Variants in FCHO1 observed in about 807,000 individuals in gnomAD.
FCHO1 encodes the protein FCH and mu domain containing endocytic adaptor 1.
A neutral mutation model predicts 114.4 loss-of-function variants in FCHO1; 45 were observed. The ratio of observed to expected loss-of-function variants is 0.39; its 90% CI spans 0.31 to 0.50. FCHO1 has a LOEUF of 0.50. Ranked by LOEUF, FCHO1 falls within the 20% of genes least tolerant of loss-of-function variation. The pLI is 0.77. For missense variants in FCHO1, 1,042 were observed against 1,209.6 expected (o/e 0.86, Z 2.06); for synonymous variants, 480 against 488.9 (o/e 0.98, Z 0.24).
rs1568367358 is a variant in FCHO1, at chr19:17,781,279, C to A, written c.1676C>A (p.Ala559Asp). Residue 559 changes from alanine to aspartate, a missense_variant, in exon 21 of 29, where the codon GCC (alanine) becomes GAC (aspartate). This residue lies in a region of FCHO1 where 455 missense variants were observed against 455.4 expected (regional missense o/e 1.00). Transcript: ENST00000596536. ...CCCACAGCCAGGGAGGGCCTGGCAGCCCCACCCAGGAGACTTCGCTCTAGG... is the reference window on the plus strand; with the variant it reads ...CCCACAGCCAGGGAGGGCCTGGCAGACCCACCCAGGAGACTTCGCTCTAGG... ...ADPTAREGLA[A>D]PPRRLRSRKV... 6.2e-7 allele frequency: 1 copy of A among 1,613,988 alleles called. No individual in the cohort carries two copies. Among genetic ancestry groups the A allele is most frequent in the East Asian group, 2.2e-5 (1 of 44,878 alleles).
At chr19:17,767,471 G>A (rs2146803736) in intron 7 of FCHO1, among the ~76,000 whole-genome samples, 1 of 150,544 alleles carries the variant, frequency 6.6e-6, no homozygotes, top group African/African-American at 2.4e-5. Context: ...GGAGGCTGAG[G>A]TGGGAGGATC....
In FCHO1 at chr19:17,775,408, G is replaced by T; in HGVS notation, c.946-48G>T. ...GGCGGTTGGCAGGGTGAGATGGAAG[G>T]TTCGATAGTGGGGCGCCTGACTCAC... On this transcript the variant is annotated intron_variant, in intron 14 of 28. Transcript: ENST00000596536. This position sits in a 1 kb window ranked among gnomAD's most constrained non-coding sequence, Gnocchi z 5.1. The T allele has an allele frequency of 6.3e-7, 1 of 1,586,264 alleles. No individual in the cohort carries two copies. Among genetic ancestry groups the T allele is most frequent in the East Asian group, 2.2e-5 (1 of 44,750 alleles).
chr19:17,787,176 A>G (rs1011527566), intron 27 of FCHO1, among the ~76,000 whole-genome samples: 31 of 138,382 alleles, frequency 2.2e-4, no homozygotes, highest in African/African-American at 8.0e-4. Context: ...GTGAGCCGAG[A>G]TCGTGCCACT....
intron 4 of FCHO1, chr19:17,755,693 C>T (rs1243015759): frequency 1.3e-5 from 2 of 153,198 alleles, no homozygotes; most frequent in Admixed American, 1.3e-4. Flanking sequence ...CATTTCCTCT[C>T]TCCCTGCCAC....
chr19:17,772,400 G>A, intron 9 of FCHO1, 57 bp from the exon 10 acceptor site: 5 of 1,316,602 alleles, frequency 3.8e-6, no homozygotes, highest in Non-Finnish European at 5.5e-6. Flanking sequence ...TGAGTCATAT[G>A]GCCACTTCTT....
In FCHO1 at chr19:17,781,790, T is replaced by G; in HGVS notation, c.1907T>G (p.Val636Gly). Residue 636 changes from valine (V) to glycine (G), a missense_variant, in exon 23 of 29, where the codon GTC (valine) becomes GGC (glycine). Val to Gly is a moderately radical substitution (Grantham distance 109). Around this residue, in one of 3 missense-constraint regions of FCHO1, gnomAD observed 455 missense variants for 455.4 expected, o/e 1.00. Transcript: ENST00000596536. ...LPIATAFTEY[V>G]HAYFRGHSPS... ...ATAGCCACAGCCTTCACAGAGTATG[T>G]CCACGCCTACTTCCGTGGCCACAGC... 6.2e-7 allele frequency: 1 copy of G among 1,608,178 alleles called. No individual in the cohort carries two copies. The highest frequency in any genetic ancestry group is 8.5e-7 in the Non-Finnish European group (1 of 1,177,388).
At chr19:17,787,533 A>C in intron 27 of FCHO1, 149 bp from the exon 28 acceptor site, 2 of 868,772 alleles carry the variant, frequency 2.3e-6, no homozygotes, top group Non-Finnish European at 3.4e-6. Flanking sequence ...TGATGCCAGG[A>C]GAGACAGATG....
chr19:17,762,975 G>T (rs2086961353), intron 5 of FCHO1, 122 bp downstream of exon 5: 3 of 656,066 alleles, frequency 4.6e-6, no homozygotes, highest in East Asian at 2.7e-5. Flanking sequence ...AACCAGAGGG[G>T]CTCGAAAATC....
chr19:17,785,991 GTC>G (rs1473445336), intron 26 of FCHO1, among the ~76,000 whole-genome samples: 15 of 151,196 alleles, frequency 9.9e-5, no homozygotes, highest in Admixed American at 9.9e-4. Context: ...AAAAAAAAAA[GTC>G]TGTTGTGAAG....
chr19:17,778,533 C>A, intron 19 of FCHO1, 76 bp from the exon 20 acceptor site: 1 of 1,445,768 alleles, frequency 6.9e-7, no homozygotes, highest in Admixed American at 2.5e-5. Flanking sequence ...CTCGACGTGG[C>A]CGTGGCCTGC....
Position 17,778,770 on chromosome 19 carries a change from T to A in FCHO1, c.1513T>A (p.Cys505Ser). The A allele has an allele frequency of 6.5e-7, 1 of 1,538,804 alleles. No homozygotes were observed. The highest frequency in any genetic ancestry group is 8.7e-7 in the Non-Finnish European group (1 of 1,147,734). ...AGGCACCCCGCAGAGCCCGCCCAGCTGTAGGGCGCCACCCCCAGAGGCCAG... is the reference window on the plus strand; with the variant it reads ...AGGCACCCCGCAGAGCCCGCCCAGCAGTAGGGCGCCACCCCCAGAGGCCAG... Reference protein sequence around the residue: ...RPGTPQSPPSCRAPPPEARGI... With the variant: ...RPGTPQSPPSSRAPPPEARGI... The change falls in exon 20 of 29, where the codon TGT (cysteine) becomes AGT (serine). Residue 505 changes from cysteine (C) to serine (S), a missense_variant. Coordinates refer to ENST00000596536, the MANE Select transcript of FCHO1 (RefSeq NM_015122.3).
At chr19:17,786,666 G>GGC in intron 27 of FCHO1, 37 bp downstream of exon 27, 1 of 496,966 alleles carries the variant, frequency 2.0e-6, no homozygotes, top group African/African-American at 2.1e-5. Flanking sequence ...GGGTGGGAGG[G>GGC]ACTGGGGTCA....
At chr19:17,760,340 C>T (rs560603124) in intron 4 of FCHO1, among the ~76,000 whole-genome samples, 4 of 152,164 alleles carry the variant, frequency 2.6e-5, no homozygotes, top group South Asian at 2.1e-4. Flanking sequence ...TGTGAGGCAC[C>T]GCGCCCGGCC....
chr19:17,788,194 G>A (rs988466857), intron 28 of FCHO1, 90 bp from the exon 29 acceptor site: 3 of 957,734 alleles, frequency 3.1e-6, no homozygotes, highest in Non-Finnish European at 3.3e-6. Context: ...AAGAGGACAA[G>A]GATGATTGAA....
intron 3 of FCHO1, 191 bp from the exon 4 acceptor site, chr19:17,754,927 T>A: frequency 5.5e-6 from 3 of 546,334 alleles, no homozygotes; most frequent in East Asian, 6.6e-5. Context: ...TCTTGTTCTG[T>A]CCCCCTCTAC....
chr19:17,768,097 T>C (rs1599648282), intron 7 of FCHO1, among the ~76,000 whole-genome samples: 1 of 152,294 alleles, frequency 6.6e-6, no homozygotes, highest in Middle Eastern at 3.4e-3. Flanking sequence ...AGATGGAGAC[T>C]TGCTCTGTTG....
At chr19:17,759,309 G>A (rs573194732) in intron 4 of FCHO1, among the ~76,000 whole-genome samples, 1 of 139,532 alleles carries the variant, frequency 7.2e-6, no homozygotes, top group South Asian at 2.3e-4. Flanking sequence ...TGCAACCTCT[G>A]CCTCCCTGCT....
At chr19:17,766,107 C>G (rs1228578893) in intron 6 of FCHO1, among the ~76,000 whole-genome samples, 3 of 151,328 alleles carry the variant, frequency 2.0e-5, no homozygotes, top group Non-Finnish European at 4.4e-5. Context: ...CCAGGATGCT[C>G]TCTCAATCTC....
intron 20 of FCHO1, 92 bp downstream of exon 20, chr19:17,778,976 A>G: frequency 7.6e-7 from 1 of 1,319,814 alleles, no homozygotes; most frequent in Non-Finnish European, 1.0e-6. Context: ...AGGCTGCTGG[A>G]GACACAGCCA....
Sources: allele counts gnomAD v4.1 joint callset (sites outside exome capture counted in the v4.1 genomes callset), GRCh38; gene constraint gnomAD v4.1.1; regional missense constraint gnomAD v4.1.1; non-coding constraint Gnocchi (gnomAD v3.1); transcripts MANE v1.5; gene names NCBI Gene and HGNC (gene_info 2026-07-23, HGNC 2026-07-21).